Variants in TLE2 observed in about 807,000 individuals in gnomAD.
TLE2 encodes the protein transducin-like enhancer protein 2.
TLE2 carries 74 observed loss-of-function variants against 97.2 expected under a neutral mutation model. The ratio of observed to expected loss-of-function variants is 0.76; its 90% CI spans 0.63 to 0.92. The LOEUF (loss-of-function observed/expected upper bound fraction) is 0.92, where lower values mean the gene tolerates loss of function less well. TLE2 is among the 40% of genes least tolerant of loss of function. The probability of loss-of-function intolerance (pLI) is 0.00; values close to 1 mark genes in which losing one functional copy is unlikely to be tolerated. For missense variants in TLE2, 1,038 were observed against 1,008.7 expected (o/e 1.03, Z -0.39); for synonymous variants, 499 against 432.1 (o/e 1.15, Z -1.92).
intron 19 of TLE2, among the ~76,000 whole-genome samples, chr19:2,998,237 ATGTGTGTGTGTGTGTGTG>A (rs56398458): frequency 0.028 from 3,376 of 121,420 alleles, 79 homozygotes; most frequent in Non-Finnish European, 0.033. Flanking sequence ...CGCCCGGCCA[ATGTGTGTGTGTGTGTGTG>A]TGTGTGTGTG....
At chr19:3,001,419 TTTTG>T (rs143213071) in intron 18 of TLE2, among the ~76,000 whole-genome samples, 2,769 of 151,716 alleles carry the variant, frequency 0.018, 87 homozygotes, top group African/African-American at 0.064. Context: ...CCAGCCCAAG[TTTTG>T]TTTGTTTGTT....
At position 3,028,952 on chromosome 19, in the gene TLE2, T is replaced by C. The variant is rs775333237; in HGVS notation, c.-48A>G. On this transcript the variant is annotated 5_prime_UTR_variant, in exon 1 of 20. Transcript: ENST00000262953. ...CAGGCGCCACCAGAGCTTGATGATA[T>C]GGAGGCGGCAAGAGTGGGGGAGGCT... is the stretch of plus-strand genomic sequence containing the variant. 1.8e-4 allele frequency: 292 copies of C among 1,597,100 alleles called. No individual in the cohort carries two copies. The highest frequency in any genetic ancestry group is 2.4e-4 in the Non-Finnish European group (281 of 1,173,098).
chr19:3,030,359 T>G (rs1208750559), upstream of TLE2, among the ~76,000 whole-genome samples: 1 of 152,170 alleles, frequency 6.6e-6, no homozygotes, highest in Non-Finnish European at 1.5e-5. Flanking sequence ...GCCAGCATCC[T>G]TCAGGCCCAC....
intron 18 of TLE2, 131 bp downstream of exon 18, chr19:3,002,222 T>G: frequency 1.7e-6 from 2 of 1,150,984 alleles, no homozygotes; most frequent in Non-Finnish European, 2.4e-6. Flanking sequence ...GTACTAACGA[T>G]TTGCTTTTGA....
Position 3,028,710 on chromosome 19 carries a change from G to C in TLE2, c.118C>G (p.His40Asp). ...EEFQFLQAQY[H>D]SLKLECEKLA... ...CCCTGGGGCGGCCCCCCTCACCTGT[G>C]GTATTGAGCCTGAAGAAACTGGAAT... Residue 40 changes from histidine to aspartate, a missense_variant, in exon 2 of 20, where the codon CAC becomes GAC. Physicochemically the swap from His to Asp is moderately conservative, Grantham distance 81. Coordinates refer to ENST00000262953, the MANE Select transcript of TLE2 (RefSeq NM_003260.5). The C allele has an allele frequency of 6.2e-7, 1 of 1,612,772 alleles. No homozygotes were observed. Among genetic ancestry groups the C allele is most frequent in the Non-Finnish European group, 8.5e-7 (1 of 1,179,758 alleles).
chr19:3,021,787 T>C (rs2089849441), intron 5 of TLE2, among the ~76,000 whole-genome samples: 1 of 152,076 alleles, frequency 6.6e-6, no homozygotes, highest in Admixed American at 6.5e-5. Context: ...TTCACCATGT[T>C]GACCAGGCTG....
At chr19:2,999,279 GTCAAAAAA>G (rs1043130576) in intron 19 of TLE2, among the ~76,000 whole-genome samples, 3 of 151,434 alleles carry the variant, frequency 2.0e-5, no homozygotes, top group Non-Finnish European at 4.4e-5. Flanking sequence ...AGGACTCCGT[GTCAAAAAA>G]ACAAAAAAAC....
In TLE2 at chr19:3,002,440, C is replaced by A. The variant is rs763599699; in HGVS notation, c.1960G>T (p.Val654Leu). 1.9e-6 allele frequency: 3 copies of A among 1,611,818 alleles called. No individual in the cohort carries two copies. The African/African-American group carries it at 4.0e-5, about 21-fold the overall frequency. ...WLAVGMESSN[V>L]EILHVRKPEK... ...GGCTTGCGGACGTGCAGGATCTCCA[C>A]GTTGCTACTCTCCATTCCGACCGCC... Residue 654 changes from valine (V) to leucine (L), a missense_variant, in exon 18 of 20, where the codon GTG becomes TTG. Transcript: ENST00000262953.
intron 17 of TLE2, among the ~76,000 whole-genome samples, chr19:3,004,367 C>T (rs377580403): frequency 2.6e-5 from 4 of 151,916 alleles, no homozygotes; most frequent in East Asian, 1.9e-4. Flanking sequence ...AGGGCAAGCG[C>T]GGTGGCTCAG....
intron 3 of TLE2, 102 bp from the exon 4 acceptor site, chr19:3,027,975 A>T: frequency 8.2e-7 from 1 of 1,215,734 alleles, no homozygotes; most frequent in Non-Finnish European, 1.2e-6. Context: ...GTTCAGGGGA[A>T]TCACAGCAGG....
At chr19:3,040,866 C>G (rs1430404686) in intron 1 of TLE2, among the ~76,000 whole-genome samples, 1 of 150,152 alleles carries the variant, frequency 6.7e-6, no homozygotes, top group East Asian at 2.0e-4. Flanking sequence ...GAATCTTCCT[C>G]ATCCAGTTTC....
intron 1 of TLE2, among the ~76,000 whole-genome samples, chr19:3,035,563 G>C (rs1432780388): frequency 6.6e-6 from 1 of 151,984 alleles, no homozygotes; most frequent in Non-Finnish European, 1.5e-5. Flanking sequence ...AAGCTGAGAA[G>C]CTGCGCTGGG....
At chr19:3,010,399 C>T (rs183632128) in intron 12 of TLE2, among the ~76,000 whole-genome samples, 2 of 151,760 alleles carry the variant, frequency 1.3e-5, no homozygotes, top group Admixed American at 1.3e-4. Context: ...AAACCCAGGC[C>T]CAATGTCCAT....
At position 3,028,699 on chromosome 19, in the gene TLE2, C is replaced by T. The variant is rs776389832; in HGVS notation, c.122+7G>A. ...ACTCCCGCGGCCCCTGGGGCGGCCC[C>T]CCTCACCTGTGGTATTGAGCCTGAA... On this transcript the variant is annotated splice_region_variant and intron_variant, in intron 2 of 19. Coordinates refer to ENST00000262953, the MANE Select transcript of TLE2 (RefSeq NM_003260.5). The T allele has an allele frequency of 6.2e-7, 1 of 1,612,770 alleles. No individual in the cohort carries two copies. Among genetic ancestry groups the T allele is most frequent in the Non-Finnish European group, 8.5e-7 (1 of 1,179,782 alleles).
Position 3,019,530 on chromosome 19 carries a change from G to C in TLE2, c.370-67C>G. 1 of 1,482,118 alleles carries C rather than the reference G, an allele frequency of 6.7e-7. No individual in the cohort carries two copies. The highest frequency in any genetic ancestry group is 9.0e-7 in the Non-Finnish European group (1 of 1,117,026). The allele number at this position is 1,482,118 out of a possible 1,614,324, so 91.8% of individuals were successfully genotyped here. A position where few individuals can be genotyped will look rare whatever the true frequency, so the allele number is the denominator to read the frequency against. On this transcript the variant is annotated intron_variant, in intron 6 of 19. Transcript: ENST00000262953. This position sits in a 1 kb window ranked among gnomAD's most constrained non-coding sequence, Gnocchi z 5.1. ...AGGAGCCCAGCGGTCCCCAGCCCAA[G>C]AGGTAGACACAGGGGATGGGACCTA...
intron 1 of TLE2, chr19:3,045,695 G>A (rs1196402103): frequency 7.0e-6 from 3 of 430,040 alleles, no homozygotes; most frequent in Admixed American, 2.5e-5. Context: ...ACCAGGTGTG[G>A]TGGCGGGCGC....
intron 7 of TLE2, among the ~76,000 whole-genome samples, chr19:3,018,582 C>T (rs907538167): frequency 2.0e-5 from 3 of 151,654 alleles, no homozygotes; most frequent in Admixed American, 2.0e-4. Flanking sequence ...CGTGAACCAC[C>T]GTGCCTGGCT....
At chr19:3,008,978 AG>A in intron 13 of TLE2, 33 bp from the exon 14 acceptor site, 1 of 1,529,292 alleles carries the variant, frequency 6.5e-7, no homozygotes, top group Non-Finnish European at 8.8e-7. Flanking sequence ...TCAGTGAGGC[AG>A]GTGACTCCAA....
At chr19:3,010,521 T>C (rs1386768784) in intron 12 of TLE2, among the ~76,000 whole-genome samples, 1 of 151,860 alleles carries the variant, frequency 6.6e-6, no homozygotes, top group Non-Finnish European at 1.5e-5. Flanking sequence ...AGTTTTGGGG[T>C]CTGGGTCCTG....
Sources: gnomAD v4.1 joint callset for allele counts (sites outside exome capture counted in the v4.1 genomes callset) on GRCh38, gnomAD v4.1.1 for gene constraint, Gnocchi (gnomAD v3.1) non-coding constraint, MANE v1.5 for transcripts, NCBI Gene and HGNC (gene_info 2026-07-23, HGNC 2026-07-21) for gene names.